RIMS2: variants seen among roughly 807,000 people sequenced by gnomAD.
RIMS2 encodes the protein regulating synaptic membrane exocytosis protein 2.
In RIMS2, 59 loss-of-function variants were observed where a neutral mutation model predicts 174.4. The observed-to-expected ratio is 0.34, with a 90% confidence interval of 0.27 to 0.42. The LOEUF is 0.42. Ranked by LOEUF, RIMS2 falls within the 10% of genes least tolerant of loss-of-function variation. RIMS2 has a pLI of 1.00. For synonymous variants in RIMS2, 606 were observed against 572.5 expected, an observed-to-expected ratio of 1.06 and a Z score of -0.84; for missense variants, 1,620 against 1,666.3, an observed-to-expected ratio of 0.97 and a Z score of 0.48.
chr8:103,606,419 A>C (rs1428729898), intron 1 of RIMS2, among the ~76,000 whole-genome samples: 8 of 151,918 alleles, frequency 5.3e-5, no homozygotes, highest in Non-Finnish European at 8.8e-5. Flanking sequence ...CTTTACTTCC[A>C]AGTATGTGGT....
intron 1 of RIMS2, among the ~76,000 whole-genome samples, chr8:103,525,324 G>A (rs1833455316): frequency 6.6e-6 from 1 of 152,168 alleles, no homozygotes; most frequent in Non-Finnish European, 1.5e-5. Context: ...ATAATTTATT[G>A]TAAGCCCTAA....
At chr8:103,886,121 C>A in exon 4 of RIMS2, 1 of 1,612,940 alleles carries the variant, frequency 6.2e-7, no homozygotes. Flanking sequence ...CGGTAAAATG[C>A]GCCAGATTTC....
intron 1 of RIMS2, among the ~76,000 whole-genome samples, chr8:103,508,288 A>G (rs1824655443): frequency 6.6e-6 from 1 of 152,072 alleles, no homozygotes; most frequent in Non-Finnish European, 1.5e-5. Context: ...ACTGTGCACT[A>G]CAGTGTATCA....
chr8:104,066,683 T>C (rs1349951874), intron 19 of RIMS2, among the ~76,000 whole-genome samples: 1 of 152,204 alleles, frequency 6.6e-6, no homozygotes, highest in Non-Finnish European at 1.5e-5. Flanking sequence ...CCTGGTTTTA[T>C]ATGTCATTCA....
At chr8:103,747,182 G>A (rs190372934) in intron 2 of RIMS2, among the ~76,000 whole-genome samples, 6 of 151,018 alleles carry the variant, frequency 4.0e-5, no homozygotes, top group African/African-American at 1.2e-4. Context: ...ATGCTGGTGC[G>A]CTGCACCCAC....
chr8:103,931,781 G>A (rs1029110637), intron 12 of RIMS2, among the ~76,000 whole-genome samples: 2 of 151,750 alleles, frequency 1.3e-5, no homozygotes, highest in Non-Finnish European at 2.9e-5. Context: ...CTACTAAAAA[G>A]TACTCATTTT....
chr8:104,045,036 CTG>C (rs2096669710), intron 19 of RIMS2, among the ~76,000 whole-genome samples: 1 of 151,784 alleles, frequency 6.6e-6, no homozygotes. Context: ...CAAAAACTGA[CTG>C]TAGTATGTGA....
intron 19 of RIMS2, among the ~76,000 whole-genome samples, 186 bp downstream of exon 22, chr8:104,041,544 A>G (rs1360903912): frequency 6.6e-6 from 1 of 151,676 alleles, no homozygotes; most frequent in African/African-American, 2.4e-5. Context: ...CTCCAATTAG[A>G]TGGATAAAAG....
rs73293884 is a variant in RIMS2, at chr8:103,928,712, G to T, written c.2244+823G>T. 4.6e-3 allele frequency among the ~76,000 whole-genome samples: 688 copies of T among 151,114 alleles called. 6 individuals are homozygous for T. Among genetic ancestry groups the T allele is most frequent in the African/African-American group, 0.016 (653 of 41,404 alleles). Reference sequence around the variant, plus strand: ...ACAATATAAAATATTTACCTATGCTGCTTAGGTCCTACTTAGGAAAATTAA... The same window carrying T: ...ACAATATAAAATATTTACCTATGCTTCTTAGGTCCTACTTAGGAAAATTAA... On this transcript the variant is annotated intron_variant, in intron 11 of 23. Coordinates refer to ENST00000504942, the Ensembl canonical transcript of RIMS2.
intron 4 of RIMS2, among the ~76,000 whole-genome samples, chr8:103,903,921 C>T (rs1465183535): frequency 6.6e-6 from 1 of 152,130 alleles, no homozygotes; most frequent in East Asian, 1.9e-4. Context: ...CGAGTTTCCT[C>T]AGTGGTTATA....
chr8:103,813,054 G>A (rs2098698587), intron 3 of RIMS2, among the ~76,000 whole-genome samples: 1 of 152,066 alleles, frequency 6.6e-6, no homozygotes. Context: ...AGGGATTTTT[G>A]TTATAGATGA....
At chr8:103,759,585 A>C (rs983709685) in intron 2 of RIMS2, among the ~76,000 whole-genome samples, 3 of 150,360 alleles carry the variant, frequency 2.0e-5, no homozygotes, top group Non-Finnish European at 3.0e-5. Context: ...AAAAAAAAAA[A>C]AAAGAAAAGA....
At chr8:104,210,267 T>C (rs75427479) in intron 19 of RIMS2, among the ~76,000 whole-genome samples, 6,404 of 152,272 alleles carry the variant, frequency 0.042, 190 homozygotes, top group South Asian at 0.067. Flanking sequence ...CTAGAACCAA[T>C]TTCTGGATTT....
At chr8:104,050,632 A>G (rs2096770229) in intron 19 of RIMS2, among the ~76,000 whole-genome samples, 1 of 152,204 alleles carries the variant, frequency 6.6e-6, no homozygotes, top group Non-Finnish European at 1.5e-5. Context: ...TATTTTTGCA[A>G]GCAGGCATTT....
intron 2 of RIMS2, among the ~76,000 whole-genome samples, chr8:103,701,225 T>C (rs189187908): frequency 5.3e-4 from 81 of 152,218 alleles, no homozygotes; most frequent in African/African-American, 1.7e-3. Flanking sequence ...AAAAGATATT[T>C]TTGCTGATTG....
chr8:103,835,909 T>C (rs989180530), intron 3 of RIMS2, among the ~76,000 whole-genome samples: 6 of 152,240 alleles, frequency 3.9e-5, no homozygotes, highest in African/African-American at 4.8e-5. Context: ...TAATGACTAT[T>C]GGTAATGACA....
At chr8:104,109,665 G>C (rs576073557) in intron 19 of RIMS2, among the ~76,000 whole-genome samples, 1 of 152,220 alleles carries the variant, frequency 6.6e-6, no homozygotes, top group Admixed American at 6.5e-5. Context: ...TAGCTTTTTA[G>C]AACTGCATAT....
chr8:103,743,566 T>TC (rs2097780520), intron 2 of RIMS2, among the ~76,000 whole-genome samples: 2 of 151,798 alleles, frequency 1.3e-5, no homozygotes, highest in Admixed American at 1.3e-4. Flanking sequence ...CATCTATATT[T>TC]ATTACTTATG....
At chr8:103,600,437 T>C (rs1012250925) in intron 1 of RIMS2, among the ~76,000 whole-genome samples, 5 of 152,006 alleles carry the variant, frequency 3.3e-5, no homozygotes, top group African/African-American at 1.2e-4. Context: ...GCCTCGCTAA[T>C]TTTTTGTATT....
Sources: allele counts gnomAD v4.1 joint callset (sites outside exome capture counted in the v4.1 genomes callset), GRCh38; gene constraint gnomAD v4.1.1; transcripts MANE v1.5; gene names NCBI Gene and HGNC (gene_info 2026-07-23, HGNC 2026-07-21).